TTC29: variants seen among roughly 807,000 people sequenced by gnomAD.
TTC29 encodes the protein tetratricopeptide repeat domain 29, also known as tetratricopeptide repeat protein 29.
Under a neutral mutation model 58.1 loss-of-function variants are expected in TTC29, and 49 were observed. The observed-to-expected ratio is 0.84, with a 90% CI of 0.67 to 1.07. TTC29 has a LOEUF of 1.07. Among genes scored for constraint, TTC29 ranks in the 50% least tolerant of loss-of-function variants. TTC29 has a pLI of 0.00. For synonymous variants in TTC29, 209 were observed against 196.8 expected (o/e 1.06, Z -0.52); for missense variants, 582 against 555.6 (o/e 1.05, Z -0.48).
intron 11 of TTC29, among the ~76,000 whole-genome samples, chr4:146,767,706 G>A (rs182015439): frequency 3.9e-5 from 6 of 152,116 alleles, no homozygotes; most frequent in East Asian, 3.9e-4. Context: ...CATAATTTGC[G>A]AGTCAAGCTC....
chr4:146,806,431 G>T (rs138122190), intron 10 of TTC29, among the ~76,000 whole-genome samples: 98 of 152,244 alleles, frequency 6.4e-4, no homozygotes, highest in African/African-American at 9.1e-4. Context: ...AATAAACACA[G>T]ACTGGCAAAT....
intron 11 of TTC29, among the ~76,000 whole-genome samples, chr4:146,733,455 C>T (rs912465490): frequency 3.3e-5 from 5 of 151,938 alleles, no homozygotes; most frequent in Non-Finnish European, 7.4e-5. Flanking sequence ...CAGTCACTAA[C>T]CTAATATCGA....
At chr4:146,729,989 C>T (rs923113492) in intron 11 of TTC29, among the ~76,000 whole-genome samples, 4 of 151,864 alleles carry the variant, frequency 2.6e-5, no homozygotes, top group South Asian at 2.1e-4. Flanking sequence ...GACACTCTTT[C>T]ATGGATTCTA....
intron 9 of TTC29, among the ~76,000 whole-genome samples, chr4:146,825,362 C>T (rs1248464903): frequency 6.6e-6 from 1 of 152,086 alleles, no homozygotes; most frequent in Non-Finnish European, 1.5e-5. Flanking sequence ...GTTATTTATC[C>T]AGTAGTCATT....
intron 11 of TTC29, among the ~76,000 whole-genome samples, chr4:146,787,414 G>A (rs1374053605): frequency 6.6e-6 from 1 of 152,200 alleles, no homozygotes; most frequent in Non-Finnish European, 1.5e-5. Flanking sequence ...CTGTGTGTGT[G>A]TGGAAATGGT....
chr4:146,781,035 T>C (rs940257100), intron 11 of TTC29, among the ~76,000 whole-genome samples: 8 of 152,066 alleles, frequency 5.3e-5, no homozygotes, highest in African/African-American at 1.9e-4. Context: ...AAGGCAATTG[T>C]ATTATACTTC....
At chr4:146,909,559 T>C (rs916552255) in intron 4 of TTC29, among the ~76,000 whole-genome samples, 5 of 144,354 alleles carry the variant, frequency 3.5e-5, no homozygotes, top group Admixed American at 1.4e-4. Flanking sequence ...AAAAAATACT[T>C]GATATATCAG....
intron 4 of TTC29, among the ~76,000 whole-genome samples, chr4:146,931,539 G>T (rs1735336032): frequency 6.6e-6 from 1 of 152,170 alleles, no homozygotes; most frequent in Non-Finnish European, 1.5e-5. Context: ...GCAAAGATTG[G>T]AGAAAGCAGG....
At chr4:146,898,670 C>T (rs1159097090) in intron 6 of TTC29, among the ~76,000 whole-genome samples, 1 of 152,204 alleles carries the variant, frequency 6.6e-6, no homozygotes, top group South Asian at 2.1e-4. Context: ...TGTCACCAAT[C>T]ATCTATCATC....
At chr4:146,787,952 A>G (rs1357714704) in intron 11 of TTC29, among the ~76,000 whole-genome samples, 1 of 152,008 alleles carries the variant, frequency 6.6e-6, no homozygotes, top group East Asian at 1.9e-4. Context: ...TTGTTTAAGA[A>G]AGAGGGCTCC....
At chr4:146,830,469 C>A (rs574610238) in intron 9 of TTC29, among the ~76,000 whole-genome samples, 1 of 152,282 alleles carries the variant, frequency 6.6e-6, no homozygotes, top group Non-Finnish European at 1.5e-5. Context: ...GCACGCTCAG[C>A]TGATGGCCTT....
At chr4:146,939,756 C>A in intron 3 of TTC29, 48 bp downstream of exon 3, 1 of 1,489,410 alleles carries the variant, frequency 6.7e-7, no homozygotes, top group Non-Finnish European at 9.1e-7. Context: ...TTTCTTATTA[C>A]AGAAAATTCC....
Position 146,830,589 on chromosome 4 carries a change from G to C in TTC29, c.977+3217C>G, listed in dbSNP as rs1032214727. Among the ~76,000 whole-genome samples, 4 of 152,114 alleles carry C rather than the reference G, an allele frequency of 2.6e-5. No individual in the cohort carries two copies. The South Asian group carries it at 8.3e-4, about 31-fold the overall frequency. On this transcript the variant is annotated intron_variant, in intron 9 of 12. Coordinates refer to ENST00000325106, the MANE Select transcript of TTC29 (RefSeq NM_031956.4). ...TAGTGAAACTTGTGCAATTGCACAG[G>C]TTAGGAAAAAGAGATTTAGAGGTGA... is the stretch of plus-strand genomic sequence containing the variant.
chr4:146,773,818 G>A (rs1747897584), intron 11 of TTC29, among the ~76,000 whole-genome samples: 1 of 151,642 alleles, frequency 6.6e-6, no homozygotes, highest in Non-Finnish European at 1.5e-5. Context: ...AGTAGGAATG[G>A]CACCAGCTCT....
intron 11 of TTC29, among the ~76,000 whole-genome samples, chr4:146,778,723 T>A (rs1378514826): frequency 1.3e-5 from 2 of 152,064 alleles, no homozygotes; most frequent in African/African-American, 2.4e-5. Context: ...TTTGAAATCC[T>A]GTTGTGAAAA....
At chr4:146,890,113 A>T (rs1732252331) in intron 6 of TTC29, among the ~76,000 whole-genome samples, 1 of 152,132 alleles carries the variant, frequency 6.6e-6, no homozygotes, top group African/African-American at 2.4e-5. Flanking sequence ...GAGCTGTCAT[A>T]AAAAAGCAGC....
At position 146,868,903 on chromosome 4, in the gene TTC29, C is replaced by T. The variant is rs537816915; in HGVS notation, c.800-1320G>A. 1.4e-4 allele frequency among the ~76,000 whole-genome samples: 22 copies of T among 152,010 alleles called. No individual in the cohort carries two copies. The East Asian group carries it at 2.3e-3, about 16-fold the overall frequency. ...TGTCTTGGTGCCATCCTTATGGTAA[C>T]GAGTGAGCTCTTGCTCTATTAGTCC... On this transcript the variant is annotated intron_variant, in intron 7 of 12. Transcript: ENST00000325106.
chr4:146,728,826 C>CGTGT lies in TTC29; in HGVS notation c.1331-21276_1331-21275insACAC, dbSNP rs1242822908. On this transcript the variant is annotated intron_variant, in intron 11 of 12. Coordinates refer to ENST00000325106, the MANE Select transcript of TTC29 (RefSeq NM_031956.4). ...ATACACATATATATGTGTATATATA[C>CGTGT]ATATATATACACATATATATGTATA... 4.4e-5 allele frequency among the ~76,000 whole-genome samples: 4 copies of CGTGT among 91,738 alleles called. 1 individual carries two copies. Among genetic ancestry groups the CGTGT allele is most frequent in the Non-Finnish European group, 9.3e-5 (4 of 42,890 alleles). The allele number at this position is 91,738 out of a possible 152,430, so 60.2% of individuals were successfully genotyped here.
chr4:146,721,785 T>C lies in TTC29; in HGVS notation c.1331-14234A>G, dbSNP rs1305348218. On this transcript the variant is annotated intron_variant, in intron 11 of 12. Coordinates refer to ENST00000325106, the MANE Select transcript of TTC29 (RefSeq NM_031956.4). ...AACTCTTTAATAAGTACATAAAAAT[T>C]AGTTATGTAAGGAAGTCCTACCCAG... 2.0e-5 allele frequency among the ~76,000 whole-genome samples: 3 copies of C among 151,992 alleles called. No homozygotes were observed. The South Asian group carries it at 6.2e-4, about 32-fold the overall frequency.
Sources: allele counts gnomAD v4.1 joint callset (sites outside exome capture counted in the v4.1 genomes callset), GRCh38; gene constraint gnomAD v4.1.1; transcripts MANE v1.5; gene names NCBI Gene and HGNC (gene_info 2026-07-23, HGNC 2026-07-21).